Variants in ECE1 observed in about 807,000 individuals in gnomAD.
The protein encoded by ECE1 is endothelin converting enzyme 1.
Under a neutral mutation model 98.6 loss-of-function variants are expected in ECE1, and 35 were observed. The ratio of observed to expected loss-of-function variants is 0.35; its 90% CI spans 0.27 to 0.47. ECE1 has a LOEUF of 0.47. Among genes scored for constraint, ECE1 ranks in the 20% least tolerant of loss-of-function variants. The pLI is 1.00. For missense variants in ECE1, 814 were observed against 1,025.3 expected, an observed-to-expected ratio of 0.79 and a Z score of 2.81; for synonymous variants, 394 against 407.1, an observed-to-expected ratio of 0.97 and a Z score of 0.39.
At chr1:21,273,810 G>A (rs1214464320) in intron 3 of ECE1, among the ~76,000 whole-genome samples, 5 of 152,214 alleles carry the variant, frequency 3.3e-5, no homozygotes, top group African/African-American at 9.6e-5. Flanking sequence ...AGCCAAGATC[G>A]AGCCATTGCA....
intron 17 of ECE1, chr1:21,222,158 C>T (rs905595342): frequency 2.4e-6 from 1 of 413,464 alleles, no homozygotes; most frequent in Non-Finnish European, 4.6e-6. Context: ...AACAGAGCCA[C>T]ATCGTGTGTG....
intron 10 of ECE1, among the ~76,000 whole-genome samples, chr1:21,244,743 C>G (rs2098200964): frequency 6.6e-6 from 1 of 152,188 alleles, no homozygotes; most frequent in Admixed American, 6.5e-5. Flanking sequence ...GTACTCACCT[C>G]ACAGGCATTG....
chr1:21,341,221 C>T (rs1305144113), intron 1 of ECE1, among the ~76,000 whole-genome samples: 1 of 152,258 alleles, frequency 6.6e-6, no homozygotes, highest in East Asian at 1.9e-4. Flanking sequence ...GTCTGCCTGC[C>T]TGTCCATCAG....
At chr1:21,254,722 GAA>G (rs3061095) in intron 8 of ECE1, among the ~76,000 whole-genome samples, 20,302 of 151,100 alleles carry the variant, frequency 0.13, 1,872 homozygotes, top group East Asian at 0.46. Flanking sequence ...CTCAGAGCAG[GAA>G]AAGAGTGCCA....
chr1:21,335,786 C>T (rs924155696), intron 1 of ECE1, among the ~76,000 whole-genome samples: 2 of 152,218 alleles, frequency 1.3e-5, no homozygotes, highest in East Asian at 3.9e-4. Context: ...GGAGCAAAGG[C>T]TCCCAAATGA....
At chr1:21,249,932 T>C (rs2103268861) in intron 8 of ECE1, among the ~76,000 whole-genome samples, 1 of 145,558 alleles carries the variant, frequency 6.9e-6, no homozygotes, top group East Asian at 2.0e-4. Context: ...TGCCACCACC[T>C]TGGCTAATTT....
intron 1 of ECE1, among the ~76,000 whole-genome samples, chr1:21,313,817 A>C (rs1259825528): frequency 1.3e-5 from 2 of 152,214 alleles, no homozygotes; most frequent in Admixed American, 6.5e-5. Context: ...GAAAAGGCAC[A>C]TGGGGAATTC....
At chr1:21,324,585 C>T (rs559404764) in intron 1 of ECE1, among the ~76,000 whole-genome samples, 1 of 152,318 alleles carries the variant, frequency 6.6e-6, no homozygotes, top group Non-Finnish European at 1.5e-5. Flanking sequence ...CTCCCCACCC[C>T]CGCCCCTTTC....
intron 1 of ECE1, among the ~76,000 whole-genome samples, chr1:21,311,150 G>A (rs1638714235): frequency 6.6e-6 from 1 of 152,186 alleles, no homozygotes; most frequent in Admixed American, 6.5e-5. Flanking sequence ...GATGAATGGG[G>A]GCTGTTGTTT....
At chr1:21,248,173 CT>C (rs150020555) in intron 8 of ECE1, among the ~76,000 whole-genome samples, 288 of 144,162 alleles carry the variant, frequency 2.0e-3, no homozygotes, top group East Asian at 3.0e-3. Context: ...GTCAGCTCTA[CT>C]TTTTTTTTTT....
chr1:21,323,337 G>T (rs1166566002), intron 1 of ECE1, among the ~76,000 whole-genome samples: 1 of 152,136 alleles, frequency 6.6e-6, no homozygotes, highest in Non-Finnish European at 1.5e-5. Flanking sequence ...CTGACTGCAG[G>T]CCGGATACTC....
At chr1:21,334,180 A>G (rs1159022474) in intron 1 of ECE1, among the ~76,000 whole-genome samples, 1 of 152,132 alleles carries the variant, frequency 6.6e-6, no homozygotes, top group South Asian at 2.1e-4. Context: ...AACCTGCTGT[A>G]TAGCCTCAGG....
intron 2 of ECE1, chr1:21,279,767 C>T: frequency 1.9e-5 from 22 of 1,158,152 alleles, no homozygotes; most frequent in Non-Finnish European, 2.3e-5. Context: ...TCACACTTCC[C>T]AGAAGCACAG....
intron 1 of ECE1, chr1:21,298,026 G>C (rs1174665948): frequency 1.3e-5 from 2 of 152,044 alleles, no homozygotes; most frequent in African/African-American, 4.8e-5. Flanking sequence ...TTTTTTTGTA[G>C]AGACAAGGTC....
At chr1:21,267,169 G>T (rs1414027003) in intron 4 of ECE1, 2 of 152,300 alleles carry the variant, frequency 1.3e-5, no homozygotes, top group African/African-American at 4.8e-5. Flanking sequence ...ACCCTTAACA[G>T]ACACTGAACA....
At chr1:21,301,193 T>A (rs1319837619) in intron 1 of ECE1, among the ~76,000 whole-genome samples, 4 of 152,128 alleles carry the variant, frequency 2.6e-5, no homozygotes, top group African/African-American at 9.7e-5. Flanking sequence ...TGACTTCTGT[T>A]CTTAAAAAGC....
chr1:21,253,367 T>C (rs966985043), intron 8 of ECE1, among the ~76,000 whole-genome samples: 5 of 152,116 alleles, frequency 3.3e-5, no homozygotes, highest in African/African-American at 1.2e-4. Context: ...AGGACGTCTT[T>C]AAATGTCAGA....
rs530296109 is a variant in ECE1 at position 21,337,642 on chromosome 1, C to T, written c.3+7734G>A. On this transcript the variant is annotated intron_variant, in intron 1 of 18. Coordinates refer to the ECE1 transcript ENST00000415912. ...CAGTCATGACAATAACAGCAGGTGACACCGACTGAGTCCTCTGTATGTGCC... is the reference window on the plus strand; with the variant it reads ...CAGTCATGACAATAACAGCAGGTGATACCGACTGAGTCCTCTGTATGTGCC... Among the ~76,000 whole-genome samples, 59 of 152,348 alleles carry T rather than the reference C, an allele frequency of 3.9e-4. 1 individual carries two copies. Among genetic ancestry groups the T allele is most frequent in the African/African-American group, 1.4e-3 (57 of 41,590 alleles).
intron 1 of ECE1, among the ~76,000 whole-genome samples, chr1:21,335,380 T>C (rs960966807): frequency 6.6e-6 from 1 of 152,104 alleles, no homozygotes; most frequent in African/African-American, 2.4e-5. Flanking sequence ...TCCCCTAGAG[T>C]GCAGCTCCTT....
Sources: gnomAD v4.1 joint callset for allele counts (sites outside exome capture counted in the v4.1 genomes callset) on GRCh38, gnomAD v4.1.1 for gene constraint, MANE v1.5 for transcripts, NCBI Gene and HGNC (gene_info 2026-07-23, HGNC 2026-07-21) for gene names.